Variants in C2orf74 observed in about 807,000 individuals in gnomAD.
The protein encoded by C2orf74 is DPM1 ER membrane anchor 1.
A neutral mutation model predicts 17.9 loss-of-function variants in C2orf74; 14 were observed. The observed-to-expected ratio is 0.78, with a 90% CI of 0.52 to 1.22. The LOEUF (loss-of-function observed/expected upper bound fraction) is 1.22. Among genes scored for constraint, C2orf74 ranks in the 50% most tolerant of loss-of-function variants. The pLI is 0.00. For missense variants in C2orf74, 217 were observed against 218.4 expected, an observed-to-expected ratio of 0.99 and a Z score of 0.04; for synonymous variants, 79 against 72.6, an observed-to-expected ratio of 1.09 and a Z score of -0.44.
intron 1 of C2orf74, among the ~76,000 whole-genome samples, chr2:61,147,925 G>A (rs527421923): frequency 1.3e-5 from 2 of 151,308 alleles, no homozygotes; most frequent in South Asian, 4.2e-4. Context: ...ATGCCACCAC[G>A]CCTGGCTAAT....
upstream of C2orf74, among the ~76,000 whole-genome samples, chr2:61,158,980 G>GTTGTTTGTTTGT (rs147042505): frequency 1.3e-5 from 2 of 150,134 alleles, no homozygotes; most frequent in Non-Finnish European, 3.0e-5. Context: ...GTTTTTTTTT[G>GTTGTTTGTTTGT]TTGTTTGTTT....
At chr2:61,153,652 G>C (rs550931847) in intron 1 of C2orf74, among the ~76,000 whole-genome samples, 1 of 150,432 alleles carries the variant, frequency 6.6e-6, no homozygotes, top group South Asian at 2.1e-4. Flanking sequence ...ACTTTGGGAG[G>C]CCGAGGTGGG....
At chr2:61,155,505 TTTTGTTTGTTTG>T (rs35729703) in intron 1 of C2orf74, among the ~76,000 whole-genome samples, 1,807 of 150,654 alleles carry the variant, frequency 0.012, 46 homozygotes, top group African/African-American at 0.041. Context: ...AATCAAGGCT[TTTTGTTTGTTTG>T]TTTGTTTGTT....
chr2:61,158,828 T>C (rs887715337), upstream of C2orf74, among the ~76,000 whole-genome samples: 8 of 152,144 alleles, frequency 5.3e-5, no homozygotes, highest in African/African-American at 1.9e-4. Context: ...TGAGATAGTT[T>C]CAAGTTTTAA....
At chr2:61,157,188 A>C (rs971648369), upstream of C2orf74, among the ~76,000 whole-genome samples, 5 of 151,938 alleles carry the variant, frequency 3.3e-5, no homozygotes, top group African/African-American at 1.2e-4. Context: ...TTACAGGCCC[A>C]CGCCACCACG....
chr2:61,155,072 GA>G (rs1312727551), intron 1 of C2orf74, among the ~76,000 whole-genome samples: 2 of 151,776 alleles, frequency 1.3e-5, no homozygotes, highest in Non-Finnish European at 2.9e-5. Flanking sequence ...CTCAAAAAAA[GA>G]AAAAAGAAAC....
intron 1 of C2orf74, among the ~76,000 whole-genome samples, chr2:61,148,114 A>G (rs530103251): frequency 6.8e-6 from 1 of 147,940 alleles, no homozygotes; most frequent in East Asian, 1.9e-4. Flanking sequence ...TATGGAATAT[A>G]TATATTTAAA....
chr2:61,148,112 A>G (rs909727341), intron 1 of C2orf74, among the ~76,000 whole-genome samples: 1 of 148,086 alleles, frequency 6.8e-6, no homozygotes, highest in African/African-American at 2.5e-5. Flanking sequence ...TATATGGAAT[A>G]TATATATTTA....
rs1372203641 is a variant in C2orf74 at position 61,151,565 on chromosome 2, A to T, written c.-122+6369A>T. ...TCATTTGGGGGAGAATCCATTTCCAAGCTTCTTCACATGGTTATTGGCAAG... is the reference window on the plus strand; with the variant it reads ...TCATTTGGGGGAGAATCCATTTCCATGCTTCTTCACATGGTTATTGGCAAG... On this transcript the variant is annotated intron_variant, in intron 1 of 3. Transcript: ENST00000426997. 7 of 151,870 alleles carry T rather than the reference A, an allele frequency of 4.6e-5. No individual in the cohort carries two copies. The East Asian group carries it at 1.2e-3, about 25-fold the overall frequency. 9.4% of individuals were successfully genotyped at this position (151,870 alleles called of 1,614,324 possible).
chr2:61,154,234 CAAA>C (rs34669899), intron 1 of C2orf74, among the ~76,000 whole-genome samples: 503 of 131,774 alleles, frequency 3.8e-3, no homozygotes, highest in South Asian at 7.7e-3. Context: ...AATTCTGTCT[CAAA>C]AAAAAAAAAA....
chr2:61,147,854 G>A (rs1334731617), intron 1 of C2orf74, among the ~76,000 whole-genome samples: 2 of 151,746 alleles, frequency 1.3e-5, no homozygotes, highest in Admixed American at 1.3e-4. Context: ...TGCAACCTCC[G>A]CCTCCTGGGT....
At chr2:61,146,390 G>A (rs1011391137) in intron 1 of C2orf74, among the ~76,000 whole-genome samples, 1 of 152,130 alleles carries the variant, frequency 6.6e-6, no homozygotes, top group Non-Finnish European at 1.5e-5. Flanking sequence ...TAATAGTCAT[G>A]GTTTCTTATG....
At chr2:61,147,520 C>CT (rs1005230927) in intron 1 of C2orf74, among the ~76,000 whole-genome samples, 4 of 151,970 alleles carry the variant, frequency 2.6e-5, no homozygotes, top group African/African-American at 4.8e-5. Flanking sequence ...TGACAGACTA[C>CT]TTTTTTTTGT....
chr2:61,162,503 C>CTA lies in C2orf74; in HGVS notation c.-11_-10dup. On this transcript the variant is annotated 5_prime_UTR_variant, in exon 2 of 5. It introduces an in-frame stop codon into an upstream open reading frame of the 5' UTR. Coordinates refer to ENST00000432605, the MANE Select transcript of C2orf74 (RefSeq NM_001143959.4). ...GTGATTGTGAGAGTGGATGAGTCTT[C>CTA]TAGCTAAACCTATGAGCTTTGAAAC... The CTA allele has an allele frequency of 3.9e-6, 6 of 1,548,648 alleles. No individual in the cohort carries two copies. Among genetic ancestry groups the CTA allele is most frequent in the Non-Finnish European group, 5.2e-6 (6 of 1,144,904 alleles).
chr2:61,148,654 T>C (rs1217228423), intron 1 of C2orf74, among the ~76,000 whole-genome samples: 7 of 152,252 alleles, frequency 4.6e-5, no homozygotes, highest in African/African-American at 1.7e-4. Context: ...TATTGTCTTA[T>C]TGATTTACAA....
chr2:61,154,443 A>T (rs1489455795), intron 1 of C2orf74, among the ~76,000 whole-genome samples: 1 of 152,130 alleles, frequency 6.6e-6, no homozygotes, highest in Non-Finnish European at 1.5e-5. Context: ...CCCAAAAAAG[A>T]CATTAGGTAA....
exon 1 of C2orf74, chr2:61,145,184 G>C (rs531146908): frequency 4.4e-4 from 67 of 152,392 alleles, no homozygotes; most frequent in African/African-American, 1.5e-3. Flanking sequence ...CCAGACTCGT[G>C]GGGGAAAGGC....
chr2:61,154,524 T>C (rs1685338505), intron 1 of C2orf74, among the ~76,000 whole-genome samples: 2 of 152,146 alleles, frequency 1.3e-5, no homozygotes, highest in Admixed American at 1.3e-4. Flanking sequence ...TCATAAATCA[T>C]AACAAATAGA....
chr2:61,163,455 T>C (rs1685633120), intron 4 of C2orf74, among the ~76,000 whole-genome samples: 1 of 151,454 alleles, frequency 6.6e-6, no homozygotes, highest in African/African-American at 2.4e-5. Context: ...AATACAAAAA[T>C]TAGCTGGGCG....
Sources: allele counts gnomAD v4.1 joint callset (sites outside exome capture counted in the v4.1 genomes callset), GRCh38; gene constraint gnomAD v4.1.1; transcripts MANE v1.5; gene names NCBI Gene and HGNC (gene_info 2026-07-23, HGNC 2026-07-21).